TMTC3: variants seen among roughly 807,000 people sequenced by gnomAD.
TMTC3 encodes protein O-mannosyl-transferase TMTC3.
A neutral mutation model predicts 92.2 loss-of-function variants in TMTC3; 52 were observed. That is an observed-to-expected ratio of 0.56 (90% confidence interval 0.45 to 0.71). TMTC3 has a LOEUF of 0.71. Among genes scored for constraint, TMTC3 ranks in the 30% least tolerant of loss-of-function variants. The pLI, the probability that TMTC3 is intolerant of heterozygous loss-of-function variation, is 0.00. For missense variants in TMTC3, 896 were observed against 1,057.1 expected (o/e 0.85, Z 2.11); for synonymous variants, 339 against 363.3 (o/e 0.93, Z 0.76).
At position 88,194,969 on chromosome 12, in the gene TMTC3, A is replaced by T; in HGVS notation, c.2065A>T (p.Ile689Phe). 2 of 1,613,834 alleles carry T rather than the reference A, an allele frequency of 1.2e-6. No individual in the cohort carries two copies. Among genetic ancestry groups the T allele is most frequent in the Non-Finnish European group, 1.7e-6 (2 of 1,179,908 alleles). ...TGACAAAAAGGACAATGAAGCAGAG[A>T]TTTGGATGAAGAAAGCCATAAAGTT... ...MDDKKDNEAE[I>F]WMKKAIKLQA... The change falls in exon 14 of 14, where the codon ATT (isoleucine) becomes TTT (phenylalanine). Residue 689 changes from isoleucine to phenylalanine, a missense_variant. Physicochemically the swap from Ile to Phe is conservative, Grantham distance 21. Transcript: ENST00000266712.
chr12:88,198,542 T>C lies in TMTC3; in HGVS notation c.*2893T>C, dbSNP rs2138457609. On this transcript the variant is annotated 3_prime_UTR_variant, in exon 14 of 14. Coordinates refer to ENST00000266712, the MANE Select transcript of TMTC3 (RefSeq NM_181783.4). ...GAATTGGGAATATTAATTTTTCCAG[T>C]GAGTAGTTTTCTGAAATTGGTAACT... The C allele has an allele frequency of 2.5e-6, 1 of 396,258 alleles. No homozygotes were observed. Among genetic ancestry groups the C allele is most frequent in the East Asian group, 3.6e-5 (1 of 27,982 alleles). 24.5% of individuals were successfully genotyped at this position (396,258 alleles called of 1,614,324 possible).
At chr12:88,158,573 G>T (rs2041037240) in intron 4 of TMTC3, among the ~76,000 whole-genome samples, 1 of 150,474 alleles carries the variant, frequency 6.6e-6, no homozygotes, top group Non-Finnish European at 1.5e-5. Flanking sequence ...TTATTTCTTT[G>T]TTTTCGGTTA....
At chr12:88,178,135 TG>T (rs2138417204) in intron 10 of TMTC3, among the ~76,000 whole-genome samples, 1 of 152,302 alleles carries the variant, frequency 6.6e-6, no homozygotes, top group African/African-American at 2.4e-5. Flanking sequence ...AGGCCCAGTG[TG>T]GCAAAGGATA....
At chr12:88,166,275 T>C (rs1592733523) in intron 6 of TMTC3, 55 bp from the exon 7 acceptor site, 2 of 1,504,924 alleles carry the variant, frequency 1.3e-6, no homozygotes, top group Admixed American at 4.2e-5. Flanking sequence ...CTTATGTAAA[T>C]AATTCTGTAC....
At chr12:88,154,207 T>C in intron 3 of TMTC3, 81 bp from the exon 4 acceptor site, 1 of 999,008 alleles carries the variant, frequency 1.0e-6, no homozygotes, top group Non-Finnish European at 1.4e-6. Context: ...TTACGGAAAT[T>C]AAAGTATTTT....
chr12:88,174,594 T>C lies in TMTC3; in HGVS notation c.1200-13T>C, dbSNP rs111441285. 1.3e-6 allele frequency: 2 copies of C among 1,587,708 alleles called. No homozygotes were observed. Among genetic ancestry groups the C allele is most frequent in the African/African-American group, 2.7e-5 (2 of 73,178 alleles). On this transcript the variant is annotated splice_polypyrimidine_tract_variant and intron_variant, in intron 8 of 13. Transcript: ENST00000266712. ...GACAATTTTTTTTGTTTTGCTTTTT[T>C]TCTCTTAAACAGTGTATTTAAAAAG...
intron 10 of TMTC3, among the ~76,000 whole-genome samples, chr12:88,186,094 CTTCACTGTTGGGCAGCTAATAT>C (rs1373800871): frequency 2.0e-5 from 3 of 152,064 alleles, no homozygotes; most frequent in South Asian, 4.1e-4. Flanking sequence ...TGTGAGAATA[CTTCACTGTTGGGCAGCTAATAT>C]TTCACTGTTG....
intron 10 of TMTC3, among the ~76,000 whole-genome samples, chr12:88,180,936 G>T (rs533581370): frequency 2.2e-4 from 33 of 152,216 alleles, no homozygotes; most frequent in Middle Eastern, 6.8e-3. Context: ...AAAATTAAGG[G>T]TAAATAAGGC....
At chr12:88,180,642 G>A (rs1040511708) in intron 10 of TMTC3, among the ~76,000 whole-genome samples, 6 of 152,082 alleles carry the variant, frequency 3.9e-5, no homozygotes, top group East Asian at 1.9e-4. Flanking sequence ...CAAGAAAACC[G>A]CATCTTCTGG....
chr12:88,185,988 G>A (rs2138431617), intron 10 of TMTC3, among the ~76,000 whole-genome samples: 1 of 152,122 alleles, frequency 6.6e-6, no homozygotes, highest in South Asian at 2.1e-4. Context: ...GAGTTCCTAG[G>A]AGATTCCAGA....
chr12:88,145,186 A>G (rs2040857889), intron 1 of TMTC3, among the ~76,000 whole-genome samples: 1 of 152,166 alleles, frequency 6.6e-6, no homozygotes, highest in Admixed American at 6.5e-5. Flanking sequence ...AAAACAAAGC[A>G]TGGCCATTTT....
intron 10 of TMTC3, among the ~76,000 whole-genome samples, chr12:88,187,745 G>A (rs1456570700): frequency 6.6e-6 from 1 of 152,166 alleles, no homozygotes; most frequent in Non-Finnish European, 1.5e-5. Flanking sequence ...TGTGTCCTAG[G>A]AGTTGCAGGC....
At chr12:88,153,189 A>G (rs1592723909) in intron 2 of TMTC3, 102 bp from the exon 3 acceptor site, 2 of 643,622 alleles carry the variant, frequency 3.1e-6, no homozygotes, top group East Asian at 2.8e-5. Context: ...TTTCTCAGTA[A>G]AATGTAGATA....
At position 88,154,284 on chromosome 12, in the gene TMTC3, C is replaced by A; in HGVS notation, c.409-4C>A. The A allele has an allele frequency of 6.3e-7, 1 of 1,594,950 alleles. No individual in the cohort carries two copies. The highest frequency in any genetic ancestry group is 8.5e-7 in the Non-Finnish European group (1 of 1,172,386). On this transcript the variant is annotated splice_region_variant and splice_polypyrimidine_tract_variant and intron_variant, in intron 3 of 13. Transcript: ENST00000266712. The stretch of plus-strand genomic sequence containing the variant: ...TATGAACCCCCTTCATTTTTCCTTT[C>A]TAGGTAACAGGAGTTGTTGGAAGAG...
At chr12:88,145,662 G>A (rs760733512) in intron 1 of TMTC3, among the ~76,000 whole-genome samples, 2 of 152,136 alleles carry the variant, frequency 1.3e-5, no homozygotes, top group African/African-American at 2.4e-5. Flanking sequence ...GGTAATCTAT[G>A]TGTTGCAAGA....
intron 10 of TMTC3, among the ~76,000 whole-genome samples, chr12:88,181,029 C>T (rs1330253273): frequency 1.3e-5 from 2 of 152,120 alleles, no homozygotes; most frequent in Non-Finnish European, 2.9e-5. Context: ...AGAGTGGACA[C>T]GTTCTACTAT....
chr12:88,171,680 C>T (rs1217906671), intron 7 of TMTC3, among the ~76,000 whole-genome samples: 3 of 152,060 alleles, frequency 2.0e-5, no homozygotes, highest in African/African-American at 7.2e-5. Context: ...GAGGTCAGAT[C>T]TCTCTTCAAC....
Position 88,148,404 on chromosome 12 carries a change from T to C in TMTC3, c.89T>C (p.Phe30Ser), listed in dbSNP as rs2040901484. The C allele has an allele frequency of 1.9e-6, 3 of 1,613,702 alleles. No individual in the cohort carries two copies. The highest frequency in any genetic ancestry group is 8.5e-7 in the Non-Finnish European group (1 of 1,179,730). The change falls in exon 2 of 14, where the codon TTT becomes TCT. Residue 30 changes from phenylalanine (F) to serine (S), a missense_variant. Physicochemically the swap from Phe to Ser is radical, Grantham distance 155 (BLOSUM62 -2). Coordinates refer to ENST00000266712, the MANE Select transcript of TMTC3 (RefSeq NM_181783.4). Reference protein sequence around the residue: ...YWNSLFCGFVFDDVSAILDNK... With the variant: ...YWNSLFCGFVSDDVSAILDNK... Reference sequence around the variant, plus strand: ...AACAGCCTCTTTTGTGGTTTTGTTTTTGATGATGTTTCAGCAATACTGGAT... The same window carrying C: ...AACAGCCTCTTTTGTGGTTTTGTTTCTGATGATGTTTCAGCAATACTGGAT...
intron 10 of TMTC3, among the ~76,000 whole-genome samples, chr12:88,179,079 T>C (rs1050285167): frequency 2.6e-5 from 4 of 152,212 alleles, no homozygotes; most frequent in African/African-American, 9.7e-5. Context: ...CTTTGAGAAT[T>C]GCTGTTTCTA....
Sources: gnomAD v4.1 joint callset for allele counts (sites outside exome capture counted in the v4.1 genomes callset) on GRCh38, gnomAD v4.1.1 for gene constraint, MANE v1.5 for transcripts, NCBI Gene and HGNC (gene_info 2026-07-23, HGNC 2026-07-21) for gene names.